Variants in TMEM229B observed in about 807,000 individuals in gnomAD.
TMEM229B encodes the protein transmembrane protein 229B.
Under a neutral mutation model 13.7 loss-of-function variants are expected in TMEM229B, and 6 were observed. The ratio of observed to expected loss-of-function variants is 0.44; its 90% CI spans 0.24 to 0.86. The LOEUF is 0.86. TMEM229B is among the 40% of genes least tolerant of loss of function. The pLI is 0.23. For synonymous variants in TMEM229B, 107 were observed against 102.1 expected (o/e 1.05, Z -0.29); for missense variants, 170 against 236.0 (o/e 0.72, Z 1.83).
intron 1 of TMEM229B, among the ~76,000 whole-genome samples, chr14:67,524,440 G>T (rs2033336750): frequency 6.6e-6 from 1 of 152,134 alleles, no homozygotes; most frequent in South Asian, 2.1e-4. Flanking sequence ...GGACAAACAT[G>T]GGTGGCTGAG....
At chr14:67,490,609 T>G (rs974096587), upstream of TMEM229B, among the ~76,000 whole-genome samples, 3 of 152,196 alleles carry the variant, frequency 2.0e-5, no homozygotes, top group Non-Finnish European at 4.4e-5. Flanking sequence ...TTTTCTCTCC[T>G]TTCCTATAAC....
At chr14:67,489,667 T>G (rs1340989915), upstream of TMEM229B, among the ~76,000 whole-genome samples, 1 of 152,152 alleles carries the variant, frequency 6.6e-6, no homozygotes, top group African/African-American at 2.4e-5. Context: ...TGACCATCCT[T>G]CAACTGAAAC....
chr14:67,485,378 G>A (rs2031815081), intron 2 of TMEM229B, among the ~76,000 whole-genome samples: 1 of 152,160 alleles, frequency 6.6e-6, no homozygotes. Flanking sequence ...GTAAGCCCAG[G>A]CTGAGTGGAA....
At chr14:67,510,768 G>A (rs538112968) in intron 1 of TMEM229B, among the ~76,000 whole-genome samples, 2 of 152,256 alleles carry the variant, frequency 1.3e-5, no homozygotes, top group Admixed American at 6.5e-5. Flanking sequence ...CTAAAATGGG[G>A]TTTGGCCAAG....
At chr14:67,517,073 GAGTC>G, upstream of TMEM229B, among the ~76,000 whole-genome samples, 1 of 152,340 alleles carries the variant, frequency 6.6e-6, no homozygotes, top group Admixed American at 6.5e-5. Context: ...AAAAGGGAGA[GAGTC>G]AGGGCTACAG....
At chr14:67,484,781 G>A (rs951385529) in intron 2 of TMEM229B, among the ~76,000 whole-genome samples, 1 of 152,014 alleles carries the variant, frequency 6.6e-6, no homozygotes, top group African/African-American at 2.4e-5. Flanking sequence ...AAAAGAAAAA[G>A]CACTCATAAT....
chr14:67,507,910 C>T (rs1449528415), intron 1 of TMEM229B, among the ~76,000 whole-genome samples: 2 of 151,960 alleles, frequency 1.3e-5, no homozygotes, highest in African/African-American at 2.4e-5. Flanking sequence ...AGGCTGAGGC[C>T]GGCAGTTCAC....
intron 2 of TMEM229B, among the ~76,000 whole-genome samples, chr14:67,484,718 G>A (rs535090323): frequency 2.6e-5 from 4 of 151,976 alleles, no homozygotes; most frequent in Non-Finnish European, 5.9e-5. Context: ...GAGCCCAGGA[G>A]TTTGAGACCA....
upstream of TMEM229B, among the ~76,000 whole-genome samples, chr14:67,518,301 G>T (rs1204639300): frequency 1.3e-5 from 2 of 152,204 alleles, no homozygotes; most frequent in Non-Finnish European, 2.9e-5. Context: ...ATCCTAGTTG[G>T]ATGTCTTAAG....
chr14:67,526,557 C>T (rs769529065), intron 1 of TMEM229B, among the ~76,000 whole-genome samples: 3 of 152,172 alleles, frequency 2.0e-5, no homozygotes, highest in East Asian at 1.9e-4. Flanking sequence ...TTCCCTGAAA[C>T]GACGCAAAAT....
At position 67,473,272 on chromosome 14, in the gene TMEM229B, G is replaced by A. The variant is rs968172012; in HGVS notation, c.*148C>T. 2.6e-5 allele frequency: 29 copies of A among 1,108,596 alleles called. No homozygotes were observed. The highest frequency in any genetic ancestry group is 1.9e-4 in the African/African-American group (12 of 63,666). The allele number at this position is 1,108,596 out of a possible 1,614,324, so 68.7% of individuals were successfully genotyped here. A position where few individuals can be genotyped will look rare whatever the true frequency, so the allele number is the denominator to read the frequency against. On this transcript the variant is annotated 3_prime_UTR_variant, in exon 3 of 3. Coordinates refer to ENST00000554480, the MANE Select transcript of TMEM229B (RefSeq NM_001348543.2). The surrounding 1 kb of genome is among the most constrained non-coding windows in gnomAD (Gnocchi z 6.5). ...CCACGGCCCCCCAACACCGGCCCCC[G>A]CGGACGTTAGGGGGCTCTGTGTGCC... is the stretch of plus-strand genomic sequence containing the variant.
upstream of TMEM229B, among the ~76,000 whole-genome samples, chr14:67,516,301 A>G (rs140417034): frequency 6.6e-6 from 1 of 152,044 alleles, no homozygotes; most frequent in Non-Finnish European, 1.5e-5. Flanking sequence ...TCACTAACCC[A>G]TCCGGAGAGG....
intron 1 of TMEM229B, among the ~76,000 whole-genome samples, chr14:67,532,064 CCCCACGAG>C (rs2033476644): frequency 6.6e-6 from 1 of 152,180 alleles, no homozygotes; most frequent in South Asian, 2.1e-4. Context: ...CTATCCCAAT[CCCCACGAG>C]CTATAAAGCT....
At chr14:67,478,593 A>G (rs532490119) in intron 2 of TMEM229B, among the ~76,000 whole-genome samples, 1 of 152,296 alleles carries the variant, frequency 6.6e-6, no homozygotes, top group South Asian at 2.1e-4. Context: ...TTCAACATCT[A>G]CAGAGTAAAT....
intron 1 of TMEM229B, among the ~76,000 whole-genome samples, chr14:67,501,867 T>C (rs2032623747): frequency 6.6e-6 from 1 of 152,258 alleles, no homozygotes; most frequent in Admixed American, 6.5e-5. Flanking sequence ...CACGTTTCTA[T>C]GGTGACATCT....
intron 1 of TMEM229B, among the ~76,000 whole-genome samples, chr14:67,528,789 C>T (rs1463012775): frequency 6.6e-6 from 1 of 152,156 alleles, no homozygotes; most frequent in African/African-American, 2.4e-5. Flanking sequence ...GGCAGTTGCT[C>T]TCTGAGAAAA....
rs2030714842 is a variant in TMEM229B at position 67,471,458 on chromosome 14, A to T, written c.*1962T>A. ...CCAGAGAGAACGGGGAAGCCAGACA[A>T]TATTCTCCTCCTGGAATTTTCTCCA... On this transcript the variant is annotated 3_prime_UTR_variant, in exon 3 of 3. Coordinates refer to ENST00000554480, the MANE Select transcript of TMEM229B (RefSeq NM_001348543.2). The T allele has an allele frequency of 6.6e-6, 1 of 152,200 alleles. No homozygotes were observed. 9.4% of individuals were successfully genotyped at this position (152,200 alleles called of 1,614,324 possible).
intron 1 of TMEM229B, among the ~76,000 whole-genome samples, chr14:67,512,100 T>C (rs572447620): frequency 6.6e-6 from 1 of 152,304 alleles, no homozygotes; most frequent in South Asian, 2.1e-4. Context: ...AAGTATAACC[T>C]ATGGATCTAC....
chr14:67,531,806 G>A lies in TMEM229B; in HGVS notation c.-192+1830C>T, dbSNP rs1207114622. Among the ~76,000 whole-genome samples, 3 of 147,766 alleles carry A rather than the reference G, an allele frequency of 2.0e-5. No individual in the cohort carries two copies. In the East Asian group the frequency reaches 5.9e-4, roughly 29 times the overall value. On this transcript the variant is annotated intron_variant, in intron 1 of 2. Transcript: ENST00000554278. ...GCCTATAGTCCCAGCTGTTCATGAGGCTGAGATGGGAGGATTGCTTGAGCC... is the reference window on the plus strand; with the variant it reads ...GCCTATAGTCCCAGCTGTTCATGAGACTGAGATGGGAGGATTGCTTGAGCC...
Sources: gnomAD v4.1 joint callset for allele counts (sites outside exome capture counted in the v4.1 genomes callset) on GRCh38, gnomAD v4.1.1 for gene constraint, Gnocchi (gnomAD v3.1) non-coding constraint, MANE v1.5 for transcripts, NCBI Gene and HGNC (gene_info 2026-07-23, HGNC 2026-07-21) for gene names.